TEP1: variants seen among roughly 807,000 people sequenced by gnomAD.
TEP1 encodes telomerase associated protein 1.
TEP1 carries 241 observed loss-of-function variants against 306.3 expected under a neutral mutation model. The observed-to-expected ratio is 0.79, with a 90% CI of 0.71 to 0.88. The LOEUF (loss-of-function observed/expected upper bound fraction) is 0.88. TEP1 is among the 40% of genes least tolerant of loss of function. The probability of loss-of-function intolerance (pLI) is 0.00; values close to 1 mark genes in which losing one functional copy is unlikely to be tolerated. For synonymous variants in TEP1, 1,289 were observed against 1,305.5 expected (o/e 0.99, Z 0.27); for missense variants, 3,051 against 3,276.1 (o/e 0.93, Z 1.68).
At position 20,405,468 on chromosome 14, in the gene TEP1, G is replaced by A; in HGVS notation, c.853C>T (p.Pro285Ser). Residue 285 changes from proline (P) to serine (S), a missense_variant, in exon 4 of 55, where the codon CCT becomes TCT. Pro to Ser is a moderately conservative substitution (Grantham distance 74). Around this residue, in one of 3 missense-constraint regions of TEP1, gnomAD observed 1,507 missense variants for 1,550.5 expected, o/e 0.97. Coordinates refer to ENST00000262715, the MANE Select transcript of TEP1 (RefSeq NM_007110.5). The part of the protein sequence containing the change: ...EICRELALLE[P>S]EFILKASLYA... Reference sequence around the variant, plus strand: ...CTCAATACCTTGAGGATAAACTCAGGCTCCAGGAGGGCAAGTTCACGACAG... The same window carrying A: ...CTCAATACCTTGAGGATAAACTCAGACTCCAGGAGGGCAAGTTCACGACAG... The A allele has an allele frequency of 1.2e-6, 2 of 1,613,964 alleles. No individual in the cohort carries two copies. Among genetic ancestry groups the A allele is most frequent in the Non-Finnish European group, 1.7e-6 (2 of 1,179,982 alleles).
intron 18 of TEP1, 53 bp from the exon 19 acceptor site, chr14:20,386,676 T>A: frequency 6.7e-7 from 1 of 1,499,442 alleles, no homozygotes; most frequent in South Asian, 1.3e-5. Flanking sequence ...CCACCCCCCA[T>A]CCATAGACAC....
chr14:20,396,579 T>A (rs1367482042), intron 10 of TEP1, 42 bp downstream of exon 10: 1 of 1,545,804 alleles, frequency 6.5e-7, no homozygotes, highest in African/African-American at 1.4e-5. Flanking sequence ...CACGTGCACA[T>A]CTAGTTGCTG....
intron 1 of TEP1, among the ~76,000 whole-genome samples, chr14:20,413,097 G>C (rs1879800382): frequency 6.6e-6 from 1 of 152,182 alleles, no homozygotes; most frequent in Non-Finnish European, 1.5e-5. Flanking sequence ...CACAGGGCAA[G>C]GAAGTAAGAG....
At chr14:20,370,332 GTCCCTT>G (rs1215623126) in intron 51 of TEP1, among the ~76,000 whole-genome samples, 6 of 152,168 alleles carry the variant, frequency 3.9e-5, no homozygotes, top group African/African-American at 1.4e-4. Flanking sequence ...TTGCCCTTAT[GTCCCTT>G]TCCCATCAAT....
chr14:20,409,773 C>A (rs1317812373), intron 1 of TEP1, among the ~76,000 whole-genome samples: 3 of 152,052 alleles, frequency 2.0e-5, no homozygotes, highest in South Asian at 4.1e-4. Context: ...GTAATCCCAG[C>A]ACTTTGGGAG....
chr14:20,404,409 A>C (rs1040209722), intron 5 of TEP1, among the ~76,000 whole-genome samples: 1 of 149,484 alleles, frequency 6.7e-6, no homozygotes, highest in Non-Finnish European at 1.5e-5. Flanking sequence ...TTTTTTTCTC[A>C]AACTTTGGTC....
Position 20,383,154 on chromosome 14 carries a change from GC to G in TEP1, c.4047+19del. On this transcript the variant is annotated intron_variant, in intron 27 of 54. Coordinates refer to ENST00000262715, the MANE Select transcript of TEP1 (RefSeq NM_007110.5). ...CCAGATTCACCCCACACACCCACCG[GC>G]CCCGGCCTAGAACCCAACCTGGTTG... is the stretch of plus-strand genomic sequence containing the variant. 2 of 1,564,862 alleles carry G rather than the reference GC, an allele frequency of 1.3e-6. No individual in the cohort carries two copies. The highest frequency in any genetic ancestry group is 1.9e-5 in the Admixed American group (1 of 52,660).
rs746341746 is a variant in TEP1 at position 20,376,225 on chromosome 14, G to A, written c.6128C>T (p.Thr2043Met). 1.2e-5 allele frequency: 19 copies of A among 1,614,042 alleles called. No individual in the cohort carries two copies. The highest frequency in any genetic ancestry group is 4.5e-5 in the East Asian group (2 of 44,894). Residue 2043 changes from threonine to methionine, a missense_variant, in exon 42 of 55, where the codon ACG becomes ATG. By Grantham distance (81) the Thr-to-Met change is moderately conservative. Coordinates refer to ENST00000262715, the MANE Select transcript of TEP1 (RefSeq NM_007110.5). ...AAAGTCTTCTGCCTTGTGTGGCCGC[G>A]TCAGCAGCTGCCTTGGCCACAGCTG... Reference protein sequence around the residue: ...TVQLWPRQLLTRPHKAEDFPC... With the variant: ...TVQLWPRQLLMRPHKAEDFPC...
Position 20,381,084 on chromosome 14 carries a change from G to T in TEP1, c.4648-39C>A, listed in dbSNP as rs768314089. 15 of 1,544,700 alleles carry T rather than the reference G, an allele frequency of 9.7e-6. No homozygotes were observed. The Admixed American group carries it at 2.5e-4, about 26-fold the overall frequency. On this transcript the variant is annotated intron_variant, in intron 32 of 54. Transcript: ENST00000262715. This position sits in a 1 kb window ranked among gnomAD's most constrained non-coding sequence, Gnocchi z 4.0. ...ATTGAATTCATTAGGGATATGAAGG[G>T]GCTGGTGAGAAGGGACAGTTTAGTC...
chr14:20,384,624 C>G lies in TEP1; in HGVS notation c.3197G>C (p.Arg1066Thr). ...CCTGCGGCAGGTGATCCCTTTCTGTCTGCTTAGGTAGCTCTTCAGTTCTGA... is the reference window on the plus strand; with the variant it reads ...CCTGCGGCAGGTGATCCCTTTCTGTGTGCTTAGGTAGCTCTTCAGTTCTGA... ...RISELKSYLS[R>T]QKGITCRRYP... Residue 1066 changes from arginine to threonine, a missense_variant, in exon 22 of 55, where the codon AGA becomes ACA. Transcript: ENST00000262715. 1 of 1,614,116 alleles carries G rather than the reference C, an allele frequency of 6.2e-7. No homozygotes were observed. The highest frequency in any genetic ancestry group is 8.5e-7 in the Non-Finnish European group (1 of 1,180,030).
In TEP1 at chr14:20,396,677, G is replaced by A. The variant is rs763011100; in HGVS notation, c.1603C>T (p.Arg535Trp). The change falls in exon 10 of 55, where the codon CGG becomes TGG. Residue 535 changes from arginine to tryptophan, a missense_variant. Arg to Trp is a moderately radical substitution (Grantham distance 101). Transcript: ENST00000262715. ...AMLRNLCNLL[R>W]VGISSRHHEL... is the part of the protein sequence containing the mutation. The stretch of plus-strand genomic sequence containing the variant: ...TGGTGGCGGGAACTGATTCCAACCC[G>A]CAGCAGGTTGCACAGGTTCCGAAGC... 9.9e-6 allele frequency: 16 copies of A among 1,611,730 alleles called. No homozygotes were observed. The highest frequency in any genetic ancestry group is 2.7e-5 in the African/African-American group (2 of 74,886).
chr14:20,393,049 T>TA (rs1172455716), intron 12 of TEP1, among the ~76,000 whole-genome samples: 17 of 151,454 alleles, frequency 1.1e-4, no homozygotes, highest in Middle Eastern at 3.4e-3. Context: ...CCATCTCTAC[T>TA]AAAAAAAATA....
At chr14:20,380,136 C>A in intron 34 of TEP1, 83 bp from the exon 35 acceptor site, 1 of 1,580,854 alleles carries the variant, frequency 6.3e-7, no homozygotes, top group Non-Finnish European at 8.6e-7. Context: ...GTGCCTGGAT[C>A]CCTCTCCAGT....
chr14:20,385,131 T>G, intron 20 of TEP1, 22 bp from the exon 21 acceptor site: 1 of 1,613,254 alleles, frequency 6.2e-7, no homozygotes, highest in Non-Finnish European at 8.5e-7. Context: ...ACAGAGACAG[T>G]GAGTTTAGTC....
chr14:20,401,996 C>G (rs187011024), intron 7 of TEP1, among the ~76,000 whole-genome samples: 1 of 152,120 alleles, frequency 6.6e-6, no homozygotes, highest in East Asian at 1.9e-4. Context: ...TAAAAGTAGG[C>G]AGGGCGTGGT....
intron 20 of TEP1, 115 bp from the exon 21 acceptor site, chr14:20,385,224 G>T: frequency 7.4e-7 from 1 of 1,342,644 alleles, no homozygotes; most frequent in Non-Finnish European, 1.0e-6. Flanking sequence ...CTTCCCTCCA[G>T]GCACAAGCAA....
chr14:20,382,272 G>T lies in TEP1; in HGVS notation c.4225C>A (p.Pro1409Thr). Residue 1409 changes from proline (P) to threonine (T), a missense_variant, in exon 29 of 55, where the codon CCT becomes ACT. Coordinates refer to ENST00000262715, the MANE Select transcript of TEP1 (RefSeq NM_007110.5). ...GTCAAGGCCTGGGGAAGGACATCAGGCCCGTGCTCCTTCTCCAGTGTGCTC... is the reference window on the plus strand; with the variant it reads ...GTCAAGGCCTGGGGAAGGACATCAGTCCCGTGCTCCTTCTCCAGTGTGCTC... ...ILSTLEKEHG[P>T]DVLPQALTAL... 6.2e-7 allele frequency: 1 copy of T among 1,614,132 alleles called. No individual in the cohort carries two copies. The highest frequency in any genetic ancestry group is 8.5e-7 in the Non-Finnish European group (1 of 1,180,020).
At chr14:20,410,008 A>G (rs761522474) in intron 1 of TEP1, among the ~76,000 whole-genome samples, 47 of 126,960 alleles carry the variant, frequency 3.7e-4, no homozygotes, top group Middle Eastern at 4.0e-3. Context: ...GCGACAGAGC[A>G]AGACTCTGTC....
intron 18 of TEP1, among the ~76,000 whole-genome samples, chr14:20,387,551 C>CAAAAAAAAAAAAAAAAA (rs34816712): frequency 2.4e-4 from 31 of 127,674 alleles, no homozygotes; most frequent in African/African-American, 7.4e-4. Context: ...GACTCCGTCT[C>CAAAAAAAAAAAAAAAAA]AAAAAAAAAA....
Sources: allele counts gnomAD v4.1 joint callset (sites outside exome capture counted in the v4.1 genomes callset), GRCh38; gene constraint gnomAD v4.1.1; regional missense constraint gnomAD v4.1.1; non-coding constraint Gnocchi (gnomAD v3.1); transcripts MANE v1.5; gene names NCBI Gene and HGNC (gene_info 2026-07-23, HGNC 2026-07-21).